GPR158: variants seen among roughly 807,000 people sequenced by gnomAD.
GPR158 encodes metabotropic glycine receptor.
In GPR158, 30 loss-of-function variants were observed where a neutral mutation model predicts 78.2. That is an observed-to-expected ratio of 0.38 (90% CI 0.29 to 0.52). GPR158 has a LOEUF of 0.52. Among genes scored for constraint, GPR158 ranks in the 20% least tolerant of loss-of-function variants. GPR158 has a pLI of 0.83. For missense variants in GPR158, 1,463 were observed against 1,523.5 expected, an observed-to-expected ratio of 0.96 and a Z score of 0.66; for synonymous variants, 581 against 591.1, an observed-to-expected ratio of 0.98 and a Z score of 0.25.
At chr10:25,464,488 T>C (rs1835396634) in intron 4 of GPR158, among the ~76,000 whole-genome samples, 1 of 152,236 alleles carries the variant, frequency 6.6e-6, no homozygotes. Context: ...AATACGTATC[T>C]ACTTATTAAG....
chr10:25,407,887 T>G (rs1422158333), intron 3 of GPR158, among the ~76,000 whole-genome samples: 1 of 152,144 alleles, frequency 6.6e-6, no homozygotes, highest in Non-Finnish European at 1.5e-5. Flanking sequence ...TTTAATTACA[T>G]AAAGCATATC....
chr10:25,322,093 A>T (rs1050613310), intron 2 of GPR158, among the ~76,000 whole-genome samples: 1 of 152,132 alleles, frequency 6.6e-6, no homozygotes. Flanking sequence ...TTAGAAAATC[A>T]CAGATACGGC....
chr10:25,469,776 T>C (rs2130621422), intron 5 of GPR158, among the ~76,000 whole-genome samples: 1 of 84,442 alleles, frequency 1.2e-5, no homozygotes, highest in Admixed American at 2.0e-4. Flanking sequence ...AGAGCGAGAC[T>C]CCATCTCAAA....
At chr10:25,551,375 GCAGGAAGGAATACAAAGGTAATA>G (rs1296722967) in intron 6 of GPR158, among the ~76,000 whole-genome samples, 4 of 152,154 alleles carry the variant, frequency 2.6e-5, no homozygotes, top group African/African-American at 7.2e-5. Flanking sequence ...CTAGTTCAGA[GCAGGAAGGAATACAAAGGTAATA>G]CAGCTGAAAT....
At chr10:25,472,647 G>A (rs1069531) in intron 5 of GPR158, among the ~76,000 whole-genome samples, 67,172 of 151,818 alleles carry the variant, frequency 0.44, 15,916 homozygotes, top group East Asian at 0.8. Flanking sequence ...CTTGAGCAGC[G>A]GTTTGTAGTT....
At position 25,587,563 on chromosome 10, in the gene GPR158, T is replaced by C. The variant is rs16926150; in HGVS notation, c.1754-1444T>C. On this transcript the variant is annotated intron_variant, in intron 7 of 10. Coordinates refer to ENST00000376351, the MANE Select transcript of GPR158 (RefSeq NM_020752.3). ...AATTCCATGGACAGAAATACAAGAG[T>C]TGGGAAAGGAAATTATACATGAAAA... Among the ~76,000 whole-genome samples the C allele has an allele frequency of 3.7e-3, 565 of 152,050 alleles. 4 individuals are homozygous for C. Among genetic ancestry groups the C allele is most frequent in the African/African-American group, 0.013 (552 of 41,482 alleles).
intron 3 of GPR158, among the ~76,000 whole-genome samples, chr10:25,400,375 T>C (rs1834427123): frequency 6.6e-6 from 1 of 152,148 alleles, no homozygotes; most frequent in South Asian, 2.1e-4. Flanking sequence ...AAAATATAAA[T>C]ATGACTTAAA....
chr10:25,390,173 T>A (rs1834274813), intron 2 of GPR158, among the ~76,000 whole-genome samples: 1 of 152,176 alleles, frequency 6.6e-6, no homozygotes, highest in Non-Finnish European at 1.5e-5. Flanking sequence ...GGGTATATCC[T>A]TATAGCAGCT....
intron 6 of GPR158, among the ~76,000 whole-genome samples, chr10:25,556,280 C>G (rs1836785475): frequency 2.0e-5 from 3 of 152,202 alleles, no homozygotes; most frequent in African/African-American, 7.2e-5. Context: ...CCACCCAGCA[C>G]ACAGGTGGAT....
chr10:25,520,307 C>G, intron 5 of GPR158, among the ~76,000 whole-genome samples: 1 of 127,642 alleles, frequency 7.8e-6, no homozygotes, highest in Non-Finnish European at 1.6e-5. Flanking sequence ...AACTTCTTTG[C>G]CTTTGGTTTG....
Position 25,598,170 on chromosome 10 carries a change from A to G in GPR158, c.2544A>G (p.Thr848=). The G allele has an allele frequency of 1.2e-6, 2 of 1,614,160 alleles. No homozygotes were observed. The highest frequency in any genetic ancestry group is 1.7e-6 in the Non-Finnish European group (2 of 1,180,016). The change falls in exon 11 of 11, where the codon ACA becomes ACG. Residue 848 remains threonine (T), a synonymous_variant. Coordinates refer to ENST00000376351, the MANE Select transcript of GPR158 (RefSeq NM_020752.3). ...AGGAGGAGACAACAGAAAATTCCAC[A>G]CTGGAATCCCTGTCGGGTAAAAAAC... ...SQEEETTENS[T]LESLSGKKLT...
chr10:25,522,267 G>A lies in GPR158; in HGVS notation c.1405-28709G>A, dbSNP rs183588273. ...CAAAATATTTAGATCCACGTTTTCA[G>A]CTAGTTCCTGTTAACCCCGTTACCC... On this transcript the variant is annotated intron_variant, in intron 5 of 10. Transcript: ENST00000376351. 9.3e-4 allele frequency among the ~76,000 whole-genome samples: 142 copies of A among 152,320 alleles called. 1 individual carries two copies. Among genetic ancestry groups the A allele is most frequent in the African/African-American group, 3.2e-3 (133 of 41,576 alleles).
At chr10:25,205,084 A>G (rs754725016) in intron 1 of GPR158, among the ~76,000 whole-genome samples, 1 of 152,050 alleles carries the variant, frequency 6.6e-6, no homozygotes, top group Non-Finnish European at 1.5e-5. Context: ...CTTGCCTGCC[A>G]CCAATATAAA....
intron 5 of GPR158, among the ~76,000 whole-genome samples, chr10:25,533,647 C>T (rs931321086): frequency 5.3e-5 from 8 of 152,284 alleles, no homozygotes; most frequent in South Asian, 4.2e-4. Flanking sequence ...TTTACCTTGT[C>T]GGCAGTGTTC....
At chr10:25,241,294 CT>C (rs1407912335) in intron 2 of GPR158, among the ~76,000 whole-genome samples, 18 of 80,246 alleles carry the variant, frequency 2.2e-4, no homozygotes, top group African/African-American at 8.2e-4. Flanking sequence ...CTTTTCTTTT[CT>C]TTTCTTTTCT....
chr10:25,518,552 C>T (rs1481812734), intron 5 of GPR158, among the ~76,000 whole-genome samples: 1 of 67,048 alleles, frequency 1.5e-5, no homozygotes, highest in Non-Finnish European at 2.8e-5. Context: ...GAATGCGTCC[C>T]AGAGATTCTG....
chr10:25,562,953 G>A (rs1836877689), intron 6 of GPR158, among the ~76,000 whole-genome samples: 1 of 152,092 alleles, frequency 6.6e-6, no homozygotes, highest in South Asian at 2.1e-4. Flanking sequence ...ATATTATGGG[G>A]ATCTGATGTT....
chr10:25,238,812 T>A (rs969722947), intron 2 of GPR158, among the ~76,000 whole-genome samples: 1 of 152,218 alleles, frequency 6.6e-6, no homozygotes, highest in Non-Finnish European at 1.5e-5. Flanking sequence ...CACATTTAGG[T>A]TTCTTGTTCA....
chr10:25,552,173 T>G (rs550417021), intron 6 of GPR158, among the ~76,000 whole-genome samples: 4 of 152,162 alleles, frequency 2.6e-5, no homozygotes, highest in Non-Finnish European at 4.4e-5. Context: ...GAGATCCTAT[T>G]TAAATCCCAA....
Sources: gnomAD v4.1 joint callset for allele counts (sites outside exome capture counted in the v4.1 genomes callset) on GRCh38, gnomAD v4.1.1 for gene constraint, MANE v1.5 for transcripts, NCBI Gene and HGNC (gene_info 2026-07-23, HGNC 2026-07-21) for gene names.